The following CAPN13 variants were observed in gnomAD, a reference collection of about 807,000 sequenced individuals.
The protein encoded by CAPN13 is calpain 13, also known as calpain-13.
Under a neutral mutation model 98.4 loss-of-function variants are expected in CAPN13, and 90 were observed. The ratio of observed to expected loss-of-function variants is 0.92; its 90% CI spans 0.77 to 1.09. The LOEUF is 1.09. CAPN13 is among the 50% of genes least tolerant of loss of function. The probability of loss-of-function intolerance (pLI) is 0.00; values close to 1 mark genes in which losing one functional copy is unlikely to be tolerated. For missense variants in CAPN13, 887 were observed against 841.3 expected (o/e 1.05, Z -0.67); for synonymous variants, 330 against 305.5 (o/e 1.08, Z -0.84).
chr2:30,768,350 AG>A (rs1200167030), intron 5 of CAPN13, among the ~76,000 whole-genome samples: 1 of 152,236 alleles, frequency 6.6e-6, no homozygotes, highest in East Asian at 1.9e-4. Context: ...AGGAGTTCAG[AG>A]GAAGTGGGGG....
chr2:30,755,162 T>C (rs1044095567), intron 8 of CAPN13, among the ~76,000 whole-genome samples: 64 of 151,224 alleles, frequency 4.2e-4, no homozygotes, highest in African/African-American at 1.6e-3. Flanking sequence ...ATGCTCCCCC[T>C]GCACCTGGCG....
At chr2:30,782,112 C>G (rs1049373797) in intron 2 of CAPN13, among the ~76,000 whole-genome samples, 1 of 152,140 alleles carries the variant, frequency 6.6e-6, no homozygotes. Flanking sequence ...AGAAAATACG[C>G]TCTCTGATGT....
chr2:30,733,399 T>C (rs1671201375), intron 19 of CAPN13, among the ~76,000 whole-genome samples: 1 of 152,212 alleles, frequency 6.6e-6, no homozygotes, highest in East Asian at 1.9e-4. Flanking sequence ...GCCTGGCTGC[T>C]GAAGGCTTAC....
rs1228564212 is a variant in CAPN13 at position 30,770,375 on chromosome 2, A to C, written c.462T>G (p.Phe154Leu). 6.2e-7 allele frequency: 1 copy of C among 1,614,038 alleles called. No individual in the cohort carries two copies. Among genetic ancestry groups the C allele is most frequent in the East Asian group, 2.2e-5 (1 of 44,876 alleles). Residue 154 changes from phenylalanine to leucine, a missense_variant, in exon 5 of 23, where the codon TTT (phenylalanine) becomes TTG (leucine). Phe to Leu is a conservative substitution (Grantham distance 22). Coordinates refer to ENST00000295055, the MANE Select transcript of CAPN13 (RefSeq NM_144575.3). ...CTTGGTTTTGGTGGCGAGGACGCAC[A>C]AAGAGGCATTTATCTCCCTGGACAG... ...RLPVQGDKCL[F>L]VRPRHQNQEF...
intron 7 of CAPN13, among the ~76,000 whole-genome samples, chr2:30,760,906 G>T (rs766547314): frequency 1.9e-4 from 29 of 152,326 alleles, no homozygotes; most frequent in East Asian, 1.5e-3. Context: ...GCTCAGAAAA[G>T]GTGCTACTGG....
intron 1 of CAPN13, among the ~76,000 whole-genome samples, chr2:30,788,652 A>C (rs1052026086): frequency 3.3e-5 from 5 of 152,232 alleles, no homozygotes; most frequent in African/African-American, 4.8e-5. Flanking sequence ...ATGAGCAAGG[A>C]CTATAAAGGA....
At position 30,777,606 on chromosome 2, in the gene CAPN13, C is replaced by G; in HGVS notation, c.232G>C (p.Asp78His). Residue 78 changes from aspartate (D) to histidine (H), a missense_variant, in exon 3 of 23, where the codon GAT becomes CAT. Transcript: ENST00000295055. ...TGGATGTCAAATCTGCTTATATCAT[C>G]CAGGATGAAGTGAGGAGGACCCCCT... ...LPGGPPHFILDDISRFDIQQG... is the reference protein window; with the variant it reads ...LPGGPPHFILHDISRFDIQQG... The G allele has an allele frequency of 1.3e-6, 2 of 1,581,206 alleles. No homozygotes were observed. The highest frequency in any genetic ancestry group is 1.2e-5 in the South Asian group (1 of 85,988).
intron 12 of CAPN13, 98 bp from the exon 13 acceptor site, chr2:30,743,677 T>C (rs1196359547): frequency 2.9e-6 from 3 of 1,030,412 alleles, no homozygotes; most frequent in African/African-American, 1.6e-5. Context: ...CCGTCTCCAT[T>C]CACCAAGATA....
At chr2:30,762,572 C>G (rs911058134) in intron 7 of CAPN13, among the ~76,000 whole-genome samples, 3 of 152,290 alleles carry the variant, frequency 2.0e-5, no homozygotes, top group Admixed American at 2.0e-4. Flanking sequence ...ATCAGAGCAG[C>G]TGTCTTGGGC....
In CAPN13 at chr2:30,732,170, G is replaced by C. The variant is rs79350158; in HGVS notation, c.1927+268C>G. On this transcript the variant is annotated intron_variant, in intron 20 of 22. Coordinates refer to ENST00000295055, the MANE Select transcript of CAPN13 (RefSeq NM_144575.3). ...TCAATGATAAACACAACCTGGAGACGGGGACAGCGTTAACCTTGTTCCTGA... is the reference window on the plus strand; with the variant it reads ...TCAATGATAAACACAACCTGGAGACCGGGACAGCGTTAACCTTGTTCCTGA... 9.1e-3 allele frequency among the ~76,000 whole-genome samples: 1,386 copies of C among 152,252 alleles called. 16 individuals carry two copies. Among genetic ancestry groups the C allele is most frequent in the African/African-American group, 0.031 (1,308 of 41,552 alleles).
intron 1 of CAPN13, among the ~76,000 whole-genome samples, chr2:30,798,643 C>T (rs1352996445): frequency 6.6e-6 from 1 of 152,202 alleles, no homozygotes; most frequent in East Asian, 1.9e-4. Context: ...GTGCTGCCTG[C>T]GGCCCTCTCC....
intron 2 of CAPN13, among the ~76,000 whole-genome samples, chr2:30,779,061 G>C (rs1374122168): frequency 3.3e-5 from 5 of 152,222 alleles, no homozygotes; most frequent in Non-Finnish European, 5.9e-5. Context: ...AAGGAGGCCT[G>C]CTGTCAAAGA....
chr2:30,803,257 C>A (rs74841634), intron 1 of CAPN13, among the ~76,000 whole-genome samples: 1 of 152,176 alleles, frequency 6.6e-6, no homozygotes, highest in African/African-American at 2.4e-5. Context: ...TGGCTTCAGA[C>A]CTTTGAGAAC....
At chr2:30,734,333 C>T in intron 19 of CAPN13, 116 bp downstream of exon 19, 1 of 764,442 alleles carries the variant, frequency 1.3e-6, no homozygotes. Context: ...ACGAGAGCTG[C>T]AGCGCTCCTC....
intron 15 of CAPN13, among the ~76,000 whole-genome samples, chr2:30,739,614 G>A (rs1310710807): frequency 6.6e-6 from 1 of 152,104 alleles, no homozygotes; most frequent in Non-Finnish European, 1.5e-5. Context: ...AGAGACTCAG[G>A]ACACCTCGCT....
Position 30,777,602 on chromosome 2 carries a change from T to A in CAPN13, c.236A>T (p.Asp79Val), listed in dbSNP as rs1379923277. The A allele has an allele frequency of 1.3e-6, 2 of 1,581,342 alleles. No individual in the cohort carries two copies. Among genetic ancestry groups the A allele is most frequent in the Admixed American group, 3.6e-5 (2 of 55,428 alleles). ...PGGPPHFILD[D>V]ISRFDIQQGG... The stretch of plus-strand genomic sequence containing the variant: ...TTGTTGGATGTCAAATCTGCTTATA[T>A]CATCCAGGATGAAGTGAGGAGGACC... The change falls in exon 3 of 23, where the codon GAT (aspartate) becomes GTT (valine). Residue 79 changes from aspartate (D) to valine (V), a missense_variant. Physicochemically the swap from Asp to Val is radical, Grantham distance 152. Transcript: ENST00000295055.
At chr2:30,794,094 A>T (rs1156663522) in intron 1 of CAPN13, among the ~76,000 whole-genome samples, 3 of 151,826 alleles carry the variant, frequency 2.0e-5, no homozygotes, top group African/African-American at 7.2e-5. Context: ...TTTAAAAGAC[A>T]CCATTAAAAA....
At chr2:30,766,830 C>A (rs1450251451) in intron 5 of CAPN13, among the ~76,000 whole-genome samples, 3 of 152,160 alleles carry the variant, frequency 2.0e-5, no homozygotes, top group African/African-American at 7.2e-5. Flanking sequence ...GAAAACAAAA[C>A]CCTAAATATG....
At chr2:30,783,032 G>A (rs1299757417) in intron 2 of CAPN13, among the ~76,000 whole-genome samples, 1 of 152,146 alleles carries the variant, frequency 6.6e-6, no homozygotes, top group East Asian at 1.9e-4. Flanking sequence ...ATCACAGAAT[G>A]TTCTATTGGA....
Sources: gnomAD v4.1 joint callset for allele counts (sites outside exome capture counted in the v4.1 genomes callset) on GRCh38, gnomAD v4.1.1 for gene constraint, MANE v1.5 for transcripts, NCBI Gene and HGNC (gene_info 2026-07-23, HGNC 2026-07-21) for gene names.